The following CAMKMT variants were observed in gnomAD, a reference collection of about 807,000 sequenced individuals.
CAMKMT encodes the protein CaM KMT.
In CAMKMT, 53 loss-of-function variants were observed where a neutral mutation model predicts 48.0. The ratio of observed to expected loss-of-function variants is 1.10; its 90% confidence interval spans 0.89 to 1.39. The LOEUF is 1.39. CAMKMT is among the 40% of genes most tolerant of loss of function. The pLI is 0.00. For missense variants in CAMKMT, 428 were observed against 402.7 expected (o/e 1.06, Z -0.54); for synonymous variants, 165 against 152.3 (o/e 1.08, Z -0.61).
At chr2:44,478,326 T>A (rs932913481) in intron 3 of CAMKMT, among the ~76,000 whole-genome samples, 10 of 152,228 alleles carry the variant, frequency 6.6e-5, no homozygotes, top group African/African-American at 2.4e-4. Context: ...CCATTTGCTG[T>A]GATTACAGAT....
At chr2:44,540,060 T>C (rs1667008823) in intron 3 of CAMKMT, among the ~76,000 whole-genome samples, 1 of 152,142 alleles carries the variant, frequency 6.6e-6, no homozygotes, top group African/African-American at 2.4e-5. Context: ...AAATCAATTA[T>C]TAATATAATT....
At chr2:44,694,496 A>C (rs1273369513) in intron 3 of CAMKMT, among the ~76,000 whole-genome samples, 1 of 152,160 alleles carries the variant, frequency 6.6e-6, no homozygotes, top group Non-Finnish European at 1.5e-5. Flanking sequence ...CTAGGAAGTC[A>C]AGGCTGCAGT....
At chr2:44,517,527 T>A (rs72790048) in intron 3 of CAMKMT, among the ~76,000 whole-genome samples, 4 of 152,202 alleles carry the variant, frequency 2.6e-5, no homozygotes, top group Non-Finnish European at 5.9e-5. Context: ...AATACCTCTG[T>A]CACTATCTCA....
At chr2:44,406,037 A>G (rs1169942390) in intron 3 of CAMKMT, among the ~76,000 whole-genome samples, 1 of 152,194 alleles carries the variant, frequency 6.6e-6, no homozygotes, top group African/African-American at 2.4e-5. Flanking sequence ...CTTGGAACCA[A>G]GGGTATCTAG....
chr2:44,547,354 G>C (rs746689342), intron 3 of CAMKMT, among the ~76,000 whole-genome samples: 1 of 152,136 alleles, frequency 6.6e-6, no homozygotes, highest in Non-Finnish European at 1.5e-5. Context: ...AGTAAGAAGA[G>C]TGGCTCTAAA....
chr2:44,725,139 T>G (rs1678706080), intron 7 of CAMKMT, among the ~76,000 whole-genome samples: 1 of 124,382 alleles, frequency 8.0e-6, no homozygotes, highest in African/African-American at 3.2e-5. Context: ...TCTTGCTTTC[T>G]GGACGTGTGT....
chr2:44,651,650 A>C (rs72867778), intron 3 of CAMKMT, among the ~76,000 whole-genome samples: 1 of 152,224 alleles, frequency 6.6e-6, no homozygotes, highest in Non-Finnish European at 1.5e-5. Context: ...AAAAGTATGC[A>C]TGTGGAAAAA....
At chr2:44,368,786 T>C (rs1171733230) in intron 1 of CAMKMT, among the ~76,000 whole-genome samples, 2 of 152,194 alleles carry the variant, frequency 1.3e-5, no homozygotes, top group Non-Finnish European at 2.9e-5. Context: ...ATTTAATACT[T>C]TGTTTTTTCC....
At chr2:44,365,592 C>A (rs571116432) in intron 1 of CAMKMT, among the ~76,000 whole-genome samples, 1 of 152,192 alleles carries the variant, frequency 6.6e-6, no homozygotes, top group Admixed American at 6.5e-5. Context: ...TTTTCCCCAA[C>A]ATCCAAATCA....
chr2:44,616,371 G>C (rs762630479), intron 3 of CAMKMT, among the ~76,000 whole-genome samples: 7 of 152,160 alleles, frequency 4.6e-5, no homozygotes, highest in Non-Finnish European at 8.8e-5. Context: ...CCAAGCAATT[G>C]TTCCCCATGG....
chr2:44,743,765 T>C, intron 8 of CAMKMT, 69 bp downstream of exon 8: 1 of 1,240,268 alleles, frequency 8.1e-7, no homozygotes, highest in African/African-American at 1.5e-5. Context: ...TGGGCTGTGT[T>C]GCTTAGCTGA....
intron 3 of CAMKMT, among the ~76,000 whole-genome samples, chr2:44,515,378 A>T (rs698779): frequency 1.3e-5 from 2 of 152,100 alleles, no homozygotes; most frequent in Non-Finnish European, 2.9e-5. Context: ...AATGCTTACA[A>T]TCTGGCAAAG....
chr2:44,509,328 GTTTT>G (rs980671803), intron 3 of CAMKMT, among the ~76,000 whole-genome samples: 2 of 151,266 alleles, frequency 1.3e-5, no homozygotes, highest in African/African-American at 4.9e-5. Context: ...GTTTTGTTTT[GTTTT>G]GAGTCAGGGT....
In CAMKMT at chr2:44,693,080, A is replaced by G. The variant is rs148080156; in HGVS notation, c.377-11203A>G. On this transcript the variant is annotated intron_variant, in intron 3 of 10. Coordinates refer to ENST00000378494, the MANE Select transcript of CAMKMT (RefSeq NM_024766.5). ...CAGTGTACCTTCTAAATATATCTCA[A>G]ATCTTTCCACTTTTCTTCATCTCTG... 7.4e-3 allele frequency among the ~76,000 whole-genome samples: 1,130 copies of G among 152,042 alleles called. 17 individuals carry two copies. Among genetic ancestry groups the G allele is most frequent in the African/African-American group, 0.026 (1,079 of 41,466 alleles).
At chr2:44,577,010 C>T (rs1319968705) in intron 3 of CAMKMT, among the ~76,000 whole-genome samples, 2 of 152,108 alleles carry the variant, frequency 1.3e-5, no homozygotes, top group African/African-American at 4.8e-5. Context: ...GAAGAAATGC[C>T]GTTTCTTCAA....
chr2:44,650,214 TCTG>T (rs1413922280), intron 3 of CAMKMT, among the ~76,000 whole-genome samples: 5 of 152,192 alleles, frequency 3.3e-5, no homozygotes, highest in Admixed American at 2.6e-4. Flanking sequence ...CCTTGTAGCT[TCTG>T]CTGTCAATCT....
Position 44,630,148 on chromosome 2 carries a change from G to C in CAMKMT, c.377-74135G>C, listed in dbSNP as rs929220041. On this transcript the variant is annotated intron_variant, in intron 3 of 10. Transcript: ENST00000378494. ...CTGAGAAAAATAAGCAATGCGGAAA[G>C]GATTCCCTATTTAATAAATGGTGCT... Among the ~76,000 whole-genome samples the C allele has an allele frequency of 2.5e-3, 383 of 152,080 alleles. 1 individual carries two copies. The highest frequency in any genetic ancestry group is 9.1e-3 in the African/African-American group (377 of 41,494).
intron 1 of CAMKMT, among the ~76,000 whole-genome samples, chr2:44,363,676 G>C (rs902272245): frequency 6.7e-6 from 1 of 149,564 alleles, no homozygotes; most frequent in African/African-American, 2.5e-5. Flanking sequence ...CACCGTGCCC[G>C]GCAACCCCCT....
At chr2:44,565,607 G>T (rs898474425) in intron 3 of CAMKMT, among the ~76,000 whole-genome samples, 30 of 151,794 alleles carry the variant, frequency 2.0e-4, no homozygotes, top group African/African-American at 7.0e-4. Flanking sequence ...CACATAGTGA[G>T]CTACAAAACA....
Sources: allele counts gnomAD v4.1 joint callset (sites outside exome capture counted in the v4.1 genomes callset), GRCh38; gene constraint gnomAD v4.1.1; transcripts MANE v1.5; gene names NCBI Gene and HGNC (gene_info 2026-07-23, HGNC 2026-07-21).